PLEKHA7: variants seen among roughly 807,000 people sequenced by gnomAD.
The protein encoded by PLEKHA7 is pleckstrin homology domain-containing family A member 7.
In PLEKHA7, 104 loss-of-function variants were observed where a neutral mutation model predicts 170.0. The observed-to-expected ratio is 0.61, with a 90% CI of 0.52 to 0.72. PLEKHA7 has a LOEUF of 0.72. Among genes scored for constraint, PLEKHA7 ranks in the 30% least tolerant of loss-of-function variants. The pLI is 0.00. For synonymous variants in PLEKHA7, 648 were observed against 660.8 expected, an observed-to-expected ratio of 0.98 and a Z score of 0.30; for missense variants, 1,615 against 1,671.7, an observed-to-expected ratio of 0.97 and a Z score of 0.59.
At chr11:16,833,269 C>T (rs1029450747) in intron 9 of PLEKHA7, among the ~76,000 whole-genome samples, 2 of 152,062 alleles carry the variant, frequency 1.3e-5, no homozygotes, top group East Asian at 1.9e-4. Context: ...GCAGAATAAA[C>T]GAAACAAACC....
In PLEKHA7 at chr11:16,802,983, T is replaced by C. The variant is rs746359783; in HGVS notation, c.2146A>G (p.Lys716Glu). Residue 716 changes from lysine to glutamate, a missense_variant, in exon 15 of 27, where the codon AAA (lysine) becomes GAA (glutamate). Lys to Glu is a moderately conservative substitution (Grantham distance 56). Transcript: ENST00000531066. Reference protein sequence around the residue: ...QDLEDKIRALKENKDQLESVL... With the variant: ...QDLEDKIRALEENKDQLESVL... Reference sequence around the variant, plus strand: ...AAACTGACACGTACTTTGTTCTCTTTAAGGGCTCGTATCTTGTCTTCCAAG... The same window carrying C: ...AAACTGACACGTACTTTGTTCTCTTCAAGGGCTCGTATCTTGTCTTCCAAG... 6.2e-7 allele frequency: 1 copy of C among 1,613,756 alleles called. No individual in the cohort carries two copies. The highest frequency in any genetic ancestry group is 8.5e-7 in the Non-Finnish European group (1 of 1,179,570).
At chr11:16,897,745 G>C (rs1857086165) in intron 3 of PLEKHA7, among the ~76,000 whole-genome samples, 1 of 152,150 alleles carries the variant, frequency 6.6e-6, no homozygotes, top group Non-Finnish European at 1.5e-5. Context: ...TTAGAAATAA[G>C]GTTTCAGACT....
intron 8 of PLEKHA7, among the ~76,000 whole-genome samples, chr11:16,844,717 T>C (rs956941488): frequency 3.9e-5 from 6 of 152,198 alleles, no homozygotes; most frequent in African/African-American, 7.2e-5. Context: ...CTCCTGGCTG[T>C]TGGACCTCAG....
At chr11:16,937,178 C>A (rs1488953576) in intron 3 of PLEKHA7, among the ~76,000 whole-genome samples, 5 of 152,202 alleles carry the variant, frequency 3.3e-5, no homozygotes, top group African/African-American at 1.2e-4. Flanking sequence ...AGTTTGCACG[C>A]TTGAAAGGGC....
chr11:16,929,207 C>A (rs1859760012), intron 3 of PLEKHA7, among the ~76,000 whole-genome samples: 4 of 152,232 alleles, frequency 2.6e-5, no homozygotes, highest in East Asian at 1.9e-4. Context: ...CAGTTGGTGC[C>A]CCAACACCCA....
chr11:16,803,291 G>A lies in PLEKHA7; in HGVS notation c.2012C>T (p.Thr671Ile), dbSNP rs1848725969. Residue 671 changes from threonine to isoleucine, a missense_variant, in exon 14 of 27, where the codon ACA (threonine) becomes ATA (isoleucine). Thr to Ile is a moderately conservative substitution (Grantham distance 89). Coordinates refer to ENST00000531066, the MANE Select transcript of PLEKHA7 (RefSeq NM_001329630.2). ...TCGATCCTTGAGAAGGTCCCGGCCTGTCATCTGGGAGGCGAACAATTTAAA... is the reference window on the plus strand; with the variant it reads ...TCGATCCTTGAGAAGGTCCCGGCCTATCATCTGGGAGGCGAACAATTTAAA... ...KDLEYLDLKM[T>I]GRDLLKDRSL... is the part of the protein sequence containing the mutation. 6.2e-7 allele frequency: 1 copy of A among 1,613,106 alleles called. No homozygotes were observed. The highest frequency in any genetic ancestry group is 1.3e-5 in the African/African-American group (1 of 74,904).
intron 19 of PLEKHA7, among the ~76,000 whole-genome samples, chr11:16,792,718 T>C (rs1358768991): frequency 1.3e-5 from 2 of 152,232 alleles, no homozygotes; most frequent in African/African-American, 2.4e-5. Context: ...TGTTAAATTA[T>C]ATAATCCTGT....
rs532408726 is a variant in PLEKHA7, at chr11:16,923,268, A to G, written c.222-52086T>C. On this transcript the variant is annotated intron_variant, in intron 3 of 26. Coordinates refer to ENST00000531066, the MANE Select transcript of PLEKHA7 (RefSeq NM_001329630.2). ...GCTTGAGCAGACTTTTCATAATAGA[A>G]AAACCTTGTTCCTAATCAAGGCCAT... Among the ~76,000 whole-genome samples, 28 of 152,298 alleles carry G rather than the reference A, an allele frequency of 1.8e-4. 1 individual carries two copies. In the South Asian group the frequency reaches 5.6e-3, roughly 30 times the overall value.
chr11:16,816,173 C>G lies in PLEKHA7; in HGVS notation c.1953+5G>C. 1.9e-6 allele frequency: 3 copies of G among 1,607,574 alleles called. No homozygotes were observed. Among genetic ancestry groups the G allele is most frequent in the Non-Finnish European group, 2.6e-6 (3 of 1,174,060 alleles). On this transcript the variant is annotated splice_donor_5th_base_variant and intron_variant, in intron 12 of 26. Coordinates refer to ENST00000531066, the MANE Select transcript of PLEKHA7 (RefSeq NM_001329630.2). ...TTGCAGGCTATGTCTTGTCATTCACCCTACCGATTTTCCATGTAAACTGGG... is the reference window on the plus strand; with the variant it reads ...TTGCAGGCTATGTCTTGTCATTCACGCTACCGATTTTCCATGTAAACTGGG...
chr11:16,848,678 T>C (rs1363128235), intron 8 of PLEKHA7, among the ~76,000 whole-genome samples: 1 of 152,224 alleles, frequency 6.6e-6, no homozygotes, highest in African/African-American at 2.4e-5. Flanking sequence ...AAGATATCTA[T>C]GGTTTCTACT....
intron 3 of PLEKHA7, among the ~76,000 whole-genome samples, chr11:16,885,689 T>G (rs1590465856): frequency 6.6e-6 from 1 of 151,522 alleles, no homozygotes; most frequent in African/African-American, 2.4e-5. Context: ...CTTCTCTAAC[T>G]GAGCTTTTGA....
At chr11:16,976,217 A>T (rs1565172381) in intron 3 of PLEKHA7, among the ~76,000 whole-genome samples, 1 of 152,250 alleles carries the variant, frequency 6.6e-6, no homozygotes, top group South Asian at 2.1e-4. Flanking sequence ...GCCTTAAGAA[A>T]TAAGGCCTGG....
intron 3 of PLEKHA7, among the ~76,000 whole-genome samples, chr11:17,005,228 T>C (rs984185752): frequency 6.6e-6 from 1 of 152,226 alleles, no homozygotes; most frequent in South Asian, 2.1e-4. Context: ...TTTACTCCCA[T>C]AGACATCAAA....
At chr11:16,917,585 CTCA>C (rs1858783572) in intron 3 of PLEKHA7, among the ~76,000 whole-genome samples, 1 of 152,114 alleles carries the variant, frequency 6.6e-6, no homozygotes, top group Non-Finnish European at 1.5e-5. Context: ...TACTACCCTC[CTCA>C]TATTTCCTTC....
chr11:16,915,501 A>C (rs1858581824), intron 3 of PLEKHA7, among the ~76,000 whole-genome samples: 1 of 131,814 alleles, frequency 7.6e-6, no homozygotes, highest in Non-Finnish European at 1.6e-5. Flanking sequence ...TCCCAATGCT[A>C]TCCCTCCCCC....
At chr11:16,911,519 G>A (rs1022976837) in intron 3 of PLEKHA7, among the ~76,000 whole-genome samples, 4 of 152,098 alleles carry the variant, frequency 2.6e-5, no homozygotes, top group Admixed American at 1.3e-4. Flanking sequence ...AGGAACCCAC[G>A]GCCAAATCCA....
intron 16 of PLEKHA7, 29 bp downstream of exon 16, chr11:16,801,639 G>T: frequency 6.2e-7 from 1 of 1,613,298 alleles, no homozygotes; most frequent in Non-Finnish European, 8.5e-7. Flanking sequence ...CCCGTCCTGA[G>T]GGAGACAGGT....
chr11:16,858,802 T>C (rs1853690344), intron 4 of PLEKHA7, among the ~76,000 whole-genome samples: 2 of 152,138 alleles, frequency 1.3e-5, no homozygotes. Context: ...TAAAAAAAGA[T>C]TTTTAAATCA....
At chr11:16,833,121 C>T (rs1851247012) in intron 9 of PLEKHA7, among the ~76,000 whole-genome samples, 1 of 152,146 alleles carries the variant, frequency 6.6e-6, no homozygotes, top group Non-Finnish European at 1.5e-5. Context: ...TTAAATAGGG[C>T]AGCTCCCTTG....
Sources: allele counts gnomAD v4.1 joint callset (sites outside exome capture counted in the v4.1 genomes callset), GRCh38; gene constraint gnomAD v4.1.1; transcripts MANE v1.5; gene names NCBI Gene and HGNC (gene_info 2026-07-23, HGNC 2026-07-21).